The following FRK variants were observed in gnomAD, a reference collection of about 807,000 sequenced individuals.
The protein encoded by FRK is fyn related Src family tyrosine kinase, also known as tyrosine-protein kinase FRK.
Under a neutral mutation model 56.4 loss-of-function variants are expected in FRK, and 51 were observed. The observed-to-expected ratio is 0.90, with a 90% CI of 0.72 to 1.14. FRK has a LOEUF of 1.14. Ranked by LOEUF, FRK falls within the 50% of genes most tolerant of loss-of-function variation. The probability of loss-of-function intolerance (pLI) is 0.00; values close to 1 mark genes in which losing one functional copy is unlikely to be tolerated. For missense variants in FRK, 570 were observed against 601.4 expected, an observed-to-expected ratio of 0.95 and a Z score of 0.55; for synonymous variants, 245 against 217.9, an observed-to-expected ratio of 1.12 and a Z score of -1.10.
At chr6:116,062,056 C>A (rs982134094), upstream of FRK, among the ~76,000 whole-genome samples, 3 of 151,256 alleles carry the variant, frequency 2.0e-5, no homozygotes, top group African/African-American at 7.3e-5. Context: ...AATCAGAGAA[C>A]CATGGCATCA....
At chr6:115,972,994 G>A (rs1773866500) in intron 2 of FRK, among the ~76,000 whole-genome samples, 1 of 152,114 alleles carries the variant, frequency 6.6e-6, no homozygotes, top group African/African-American at 2.4e-5. Flanking sequence ...CTGTGTTCAG[G>A]AAAATGTGTT....
chr6:116,006,375 C>G (rs1318635519), intron 1 of FRK, among the ~76,000 whole-genome samples: 1 of 152,146 alleles, frequency 6.6e-6, no homozygotes, highest in Admixed American at 6.5e-5. Context: ...AAAATGCTAA[C>G]ATTATTAGGT....
chr6:115,996,346 T>G (rs1383337450), intron 2 of FRK, among the ~76,000 whole-genome samples: 1 of 152,092 alleles, frequency 6.6e-6, no homozygotes, highest in Non-Finnish European at 1.5e-5. Flanking sequence ...TGAGTCACAT[T>G]CGAATGACTC....
At chr6:116,026,230 T>A (rs1413771142) in intron 1 of FRK, among the ~76,000 whole-genome samples, 1 of 152,070 alleles carries the variant, frequency 6.6e-6, no homozygotes, top group African/African-American at 2.4e-5. Context: ...CTAAAAGCCA[T>A]AAAAATATTT....
the FRK span, among the ~76,000 whole-genome samples, chr6:116,077,460 T>C: frequency 6.6e-6 from 1 of 152,190 alleles, no homozygotes; most frequent in African/African-American, 2.4e-5. Flanking sequence ...TTAAATCCTA[T>C]AGCTCCCCAC....
the FRK span, among the ~76,000 whole-genome samples, chr6:116,090,846 T>C: frequency 6.6e-6 from 1 of 152,240 alleles, no homozygotes; most frequent in Non-Finnish European, 1.5e-5. Flanking sequence ...CTTGAGTTTA[T>C]CCATATTGTA....
intron 5 of FRK, among the ~76,000 whole-genome samples, chr6:115,953,180 A>ATTT (rs1554224845): frequency 4.8e-4 from 50 of 104,024 alleles, no homozygotes; most frequent in South Asian, 1.6e-3. Context: ...TTTTAAGGCC[A>ATTT]TTTTTTTTTT....
upstream of FRK, among the ~76,000 whole-genome samples, chr6:116,061,130 C>G (rs1196422958): frequency 6.6e-6 from 1 of 151,976 alleles, no homozygotes; most frequent in Non-Finnish European, 1.5e-5. Context: ...TTTTCCCTGA[C>G]AAATAGGAGT....
chr6:115,959,376 T>G (rs1242543648), intron 4 of FRK, among the ~76,000 whole-genome samples: 2 of 152,132 alleles, frequency 1.3e-5, no homozygotes, highest in East Asian at 1.9e-4. Context: ...AGGGCTTCCT[T>G]AGAGAACAAC....
intron 2 of FRK, among the ~76,000 whole-genome samples, chr6:115,969,685 G>A (rs1394565573): frequency 6.6e-6 from 1 of 152,122 alleles, no homozygotes; most frequent in Non-Finnish European, 1.5e-5. Flanking sequence ...CTGTTGTTTT[G>A]GTTTTGGTTT....
chr6:116,075,468 A>AG, the FRK span, among the ~76,000 whole-genome samples: 2 of 149,086 alleles, frequency 1.3e-5, no homozygotes, highest in African/African-American at 5.0e-5. Flanking sequence ...GCTGGGGGAA[A>AG]AAAAAAAAAA....
At chr6:115,960,280 T>A (rs1288875650) in intron 4 of FRK, among the ~76,000 whole-genome samples, 2 of 150,524 alleles carry the variant, frequency 1.3e-5, no homozygotes, top group African/African-American at 2.5e-5. Context: ...AAGAAAGGGG[T>A]GACGGACGCA....
At chr6:115,975,711 T>C (rs1434378816) in intron 2 of FRK, among the ~76,000 whole-genome samples, 1 of 152,154 alleles carries the variant, frequency 6.6e-6, no homozygotes, top group Non-Finnish European at 1.5e-5. Context: ...TATATAAGAT[T>C]AACTAAAATA....
chr6:115,958,716 A>AAAGAAGGAAGGAAGG (rs1773166404), intron 4 of FRK, among the ~76,000 whole-genome samples: 2 of 20,266 alleles, frequency 9.9e-5, no homozygotes, highest in African/African-American at 4.1e-4. Flanking sequence ...AGAAAGAAAG[A>AAAGAAGGAAGGAAGG]AAGAAAGAAA....
chr6:115,933,363 T>A lies in FRK; in HGVS notation c.*9051A>T, dbSNP rs541176302. 5 of 152,364 alleles carry A rather than the reference T, an allele frequency of 3.3e-5. No homozygotes were observed. The South Asian group carries it at 1.0e-3, about 32-fold the overall frequency. 9.4% of individuals were successfully genotyped at this position (152,364 alleles called of 1,614,324 possible). ...TAGGAAAATTCAACTTATCTTTTCC[T>A]GATCCTTTTATTTAATACAGGGAGA... is the stretch of plus-strand genomic sequence containing the variant. On this transcript the variant is annotated 3_prime_UTR_variant, in exon 8 of 8. Transcript: ENST00000606080.
At position 115,932,417 on chromosome 6, in the gene FRK, A is replaced by G. The variant is rs773405805; in HGVS notation, c.*9997T>C. The stretch of plus-strand genomic sequence containing the variant: ...GAAGATTATAGACTGAATCTTCTAC[A>G]TAATAATTCCAGAAAAAACAAGAAT... On this transcript the variant is annotated 3_prime_UTR_variant, in exon 8 of 8. Transcript: ENST00000606080. 1 of 152,248 alleles carries G rather than the reference A, an allele frequency of 6.6e-6. No individual in the cohort carries two copies. Among genetic ancestry groups the G allele is most frequent in the Non-Finnish European group, 1.5e-5 (1 of 68,038 alleles). 9.4% of individuals were successfully genotyped at this position (152,248 alleles called of 1,614,324 possible). A position where few individuals can be genotyped will look rare whatever the true frequency, so the allele number is the denominator to read the frequency against.
At chr6:116,099,808 T>G in the FRK span, among the ~76,000 whole-genome samples, 1 of 152,260 alleles carries the variant, frequency 6.6e-6, no homozygotes, top group African/African-American at 2.4e-5. Context: ...ATGTCACGAC[T>G]ATTGATTTGT....
intron 2 of FRK, among the ~76,000 whole-genome samples, chr6:115,996,003 T>C (rs1013233435): frequency 6.6e-6 from 1 of 152,192 alleles, no homozygotes; most frequent in Non-Finnish European, 1.5e-5. Flanking sequence ...ATACATTTTA[T>C]ATGAGATACT....
rs1157604070 is a variant in FRK at position 115,937,942 on chromosome 6, T to C, written c.*4472A>G. ...ATGAGACAGAAAATTAACAAAGATATTCAGAACTTGAACTCAGCTCTGGAC... is the reference window on the plus strand; with the variant it reads ...ATGAGACAGAAAATTAACAAAGATACTCAGAACTTGAACTCAGCTCTGGAC... On this transcript the variant is annotated 3_prime_UTR_variant, in exon 8 of 8. Coordinates refer to ENST00000606080, the MANE Select transcript of FRK (RefSeq NM_002031.3). The C allele has an allele frequency of 6.6e-6, 1 of 152,226 alleles. No homozygotes were observed. Among genetic ancestry groups the C allele is most frequent in the African/African-American group, 2.4e-5 (1 of 41,544 alleles). 9.4% of individuals were successfully genotyped at this position (152,226 alleles called of 1,614,324 possible).
Sources: allele counts gnomAD v4.1 joint callset (sites outside exome capture counted in the v4.1 genomes callset), GRCh38; gene constraint gnomAD v4.1.1; transcripts MANE v1.5; gene names NCBI Gene and HGNC (gene_info 2026-07-23, HGNC 2026-07-21).